The following FAM193A variants were observed in gnomAD, a reference collection of about 807,000 sequenced individuals.
FAM193A encodes the protein family with sequence similarity 193 member A.
In FAM193A, 22 loss-of-function variants were observed where a neutral mutation model predicts 126.5. The observed-to-expected ratio is 0.17, with a 90% CI of 0.12 to 0.25. FAM193A has a LOEUF of 0.25. Among genes scored for constraint, FAM193A ranks in the 10% least tolerant of loss-of-function variants. The pLI is 1.00. For synonymous variants in FAM193A, 761 were observed against 646.8 expected, an observed-to-expected ratio of 1.18 and a Z score of -2.68; for missense variants, 1,675 against 1,672.8, an observed-to-expected ratio of 1.00 and a Z score of -0.02.
At chr4:2,584,818 A>G (rs1057151587) in intron 1 of FAM193A, among the ~76,000 whole-genome samples, 2 of 151,990 alleles carry the variant, frequency 1.3e-5, no homozygotes, top group Admixed American at 1.3e-4. Context: ...CCAGCTACTC[A>G]GGAGGCTGAG....
intron 1 of FAM193A, among the ~76,000 whole-genome samples, chr4:2,538,898 TA>T (rs982661590): frequency 2.4e-4 from 37 of 151,034 alleles, no homozygotes; most frequent in African/African-American, 8.8e-4. Flanking sequence ...TATTTTTATT[TA>T]TTTTTTTTTG....
chr4:2,658,775 A>G (rs908277022), intron 8 of FAM193A, among the ~76,000 whole-genome samples: 14 of 151,938 alleles, frequency 9.2e-5, no homozygotes, highest in Non-Finnish European at 2.1e-4. Context: ...TTTTGAGACA[A>G]AGTCTCACTC....
chr4:2,670,257 A>T (rs1298538942), intron 12 of FAM193A, among the ~76,000 whole-genome samples: 1 of 151,944 alleles, frequency 6.6e-6, no homozygotes, highest in Non-Finnish European at 1.5e-5. Flanking sequence ...TGTACTCTTC[A>T]CCTATAGAAT....
At chr4:2,662,150 T>C (rs1448851760) in intron 10 of FAM193A, among the ~76,000 whole-genome samples, 1 of 152,082 alleles carries the variant, frequency 6.6e-6, no homozygotes, top group Non-Finnish European at 1.5e-5. Flanking sequence ...GCCACTGTAC[T>C]CCAGCCTGGG....
At chr4:2,562,278 G>A (rs1024995640) in intron 1 of FAM193A, among the ~76,000 whole-genome samples, 1 of 151,916 alleles carries the variant, frequency 6.6e-6, no homozygotes, top group Non-Finnish European at 1.5e-5. Flanking sequence ...GGAGACCCTC[G>A]TCTCTACAAA....
chr4:2,730,168 A>G (rs1276660524), intron 20 of FAM193A, among the ~76,000 whole-genome samples: 3 of 152,278 alleles, frequency 2.0e-5, no homozygotes, highest in Non-Finnish European at 2.9e-5. Flanking sequence ...TCAGCCTCCC[A>G]AAGTAGTAGG....
chr4:2,622,920 C>T (rs755373795), intron 2 of FAM193A, among the ~76,000 whole-genome samples: 1 of 152,138 alleles, frequency 6.6e-6, no homozygotes, highest in Non-Finnish European at 1.5e-5. Flanking sequence ...CAGAACAGAG[C>T]AAAACATTCA....
At chr4:2,637,944 A>C (rs967048031) in intron 5 of FAM193A, among the ~76,000 whole-genome samples, 3 of 152,242 alleles carry the variant, frequency 2.0e-5, no homozygotes, top group Non-Finnish European at 4.4e-5. Flanking sequence ...TGCCTCACCT[A>C]GAGGTGTAAT....
Position 2,542,558 on chromosome 4 carries a change from G to A in FAM193A, c.255+5388G>A, listed in dbSNP as rs538300820. Among the ~76,000 whole-genome samples the A allele has an allele frequency of 5.6e-4, 86 of 152,330 alleles. No homozygotes were observed. In the Middle Eastern group the frequency reaches 0.01, roughly 18 times the overall value. Reference sequence around the variant, plus strand: ...ACTGGGGTAAAATATTCTTGACACAGATCACAGAAAGTCTTAATGTAATTC... The same window carrying A: ...ACTGGGGTAAAATATTCTTGACACAAATCACAGAAAGTCTTAATGTAATTC... On this transcript the variant is annotated intron_variant, in intron 1 of 20. Coordinates refer to ENST00000637812, the MANE Select transcript of FAM193A (RefSeq NM_001366318.2).
In FAM193A at chr4:2,657,781, G is replaced by T. The variant is rs750334647; in HGVS notation, c.1312-22G>T. On this transcript the variant is annotated intron_variant, in intron 7 of 20. Coordinates refer to ENST00000637812, the MANE Select transcript of FAM193A (RefSeq NM_001366318.2). ...GTATTAAAGTTTTTCTTTTTTTTCT[G>T]TTTTTTACATCCCCTTACTAGATGA... 5.7e-5 allele frequency: 89 copies of T among 1,549,344 alleles called. 2 individuals carry two copies. The South Asian group carries it at 8.2e-4, about 14-fold the overall frequency.
At chr4:2,705,069 G>T (rs1024819444) in intron 19 of FAM193A, among the ~76,000 whole-genome samples, 1 of 152,078 alleles carries the variant, frequency 6.6e-6, no homozygotes, top group Non-Finnish European at 1.5e-5. Flanking sequence ...CCACTACCAC[G>T]CCCGGCTAAT....
At chr4:2,617,546 G>T (rs928955761) in intron 2 of FAM193A, among the ~76,000 whole-genome samples, 1 of 151,710 alleles carries the variant, frequency 6.6e-6, no homozygotes, top group Non-Finnish European at 1.5e-5. Flanking sequence ...TTACAGGCAT[G>T]AGCCACCGCG....
chr4:2,720,347 T>C (rs1457463916), intron 20 of FAM193A, among the ~76,000 whole-genome samples: 1 of 152,122 alleles, frequency 6.6e-6, no homozygotes, highest in Non-Finnish European at 1.5e-5. Context: ...ACAGAAGTTA[T>C]TTGCTTTTGT....
At position 2,672,315 on chromosome 4, in the gene FAM193A, G is replaced by C; in HGVS notation, c.2274G>C (p.Leu758=). The C allele has an allele frequency of 6.2e-7, 1 of 1,614,084 alleles. No individual in the cohort carries two copies. The highest frequency in any genetic ancestry group is 8.5e-7 in the Non-Finnish European group (1 of 1,180,016). Residue 758 remains leucine, a synonymous_variant, in exon 13 of 21, where the codon CTG becomes CTC. Coordinates refer to ENST00000637812, the MANE Select transcript of FAM193A (RefSeq NM_001366318.2). ...TGCCTTTGCACACTGTTCCACACCT[G>C]CCACGCCCTCTCATCCACCCCACCT... ...GHVPLHTVPH[L]PRPLIHPTLY...
chr4:2,726,191 G>A (rs867918611), intron 20 of FAM193A, among the ~76,000 whole-genome samples: 1 of 152,112 alleles, frequency 6.6e-6, no homozygotes, highest in Non-Finnish European at 1.5e-5. Context: ...GAGCCACCAC[G>A]CCCAGCCTCA....
chr4:2,542,146 G>A (rs181946445), intron 1 of FAM193A, among the ~76,000 whole-genome samples: 5 of 152,226 alleles, frequency 3.3e-5, no homozygotes, highest in Admixed American at 3.3e-4. Context: ...CTCCTGAGTA[G>A]CTGGGATTAC....
At chr4:2,552,008 AT>A (rs71178476) in intron 1 of FAM193A, among the ~76,000 whole-genome samples, 17 of 111,702 alleles carry the variant, frequency 1.5e-4, no homozygotes, top group Non-Finnish European at 1.4e-4. Context: ...GTCTGGGTAA[AT>A]TTTTTTTTTT....
intron 10 of FAM193A, among the ~76,000 whole-genome samples, chr4:2,662,008 C>T (rs1306268129): frequency 2.6e-5 from 4 of 151,964 alleles, no homozygotes; most frequent in Non-Finnish European, 5.9e-5. Context: ...ACAGTGAAAC[C>T]CCATCTCTAC....
At position 2,657,868 on chromosome 4, in the gene FAM193A, C is replaced by A; in HGVS notation, c.1377C>A (p.Phe459Leu). The A allele has an allele frequency of 6.2e-7, 1 of 1,608,838 alleles. No homozygotes were observed. Among genetic ancestry groups the A allele is most frequent in the Non-Finnish European group, 8.5e-7 (1 of 1,176,534 alleles). ...EDWELFKQRRFIEEQLTNKKA... is the reference protein window; with the variant it reads ...EDWELFKQRRLIEEQLTNKKA... ...GGGAGCTTTTTAAACAAAGAAGATT[C>A]ATTGAAGAACAGGTAAGCTTGTCAA... is the stretch of plus-strand genomic sequence containing the variant. The change falls in exon 8 of 21, where the codon TTC (phenylalanine) becomes TTA (leucine). Residue 459 changes from phenylalanine to leucine, a missense_variant. By Grantham distance (22) the Phe-to-Leu change is conservative (BLOSUM62 0). Coordinates refer to ENST00000637812, the MANE Select transcript of FAM193A (RefSeq NM_001366318.2).
Sources: gnomAD v4.1 joint callset for allele counts (sites outside exome capture counted in the v4.1 genomes callset) on GRCh38, gnomAD v4.1.1 for gene constraint, MANE v1.5 for transcripts, NCBI Gene and HGNC (gene_info 2026-07-23, HGNC 2026-07-21) for gene names.